The following SMC3 variants were observed in gnomAD, a reference collection of about 807,000 sequenced individuals.
SMC3 encodes structural maintenance of chromosomes protein 3.
A neutral mutation model predicts 171.8 loss-of-function variants in SMC3; 20 were observed. The ratio of observed to expected loss-of-function variants is 0.12; its 90% CI spans 0.08 to 0.17. The LOEUF (loss-of-function observed/expected upper bound fraction) is 0.17, where lower values mean the gene tolerates loss of function less well. SMC3 is among the 10% of genes least tolerant of loss of function. The probability of loss-of-function intolerance (pLI) is 1.00; values close to 1 mark genes in which losing one functional copy is unlikely to be tolerated. For synonymous variants in SMC3, 464 were observed against 451.1 expected (o/e 1.03, Z -0.36); for missense variants, 543 against 1,420.4 (o/e 0.38, Z 9.93).
rs997037033 is a variant in SMC3 at position 110,605,670 on chromosome 10, G to C, written c.*1368G>C. On this transcript the variant is annotated 3_prime_UTR_variant, in exon 29 of 29. Coordinates refer to ENST00000361804, the MANE Select transcript of SMC3 (RefSeq NM_005445.4). The stretch of plus-strand genomic sequence containing the variant: ...TTTGTAGCTTTGCTATAACATAACT[G>C]ATCTATAATAGAGAATTTGGTATAT... Among the ~76,000 whole-genome samples, 5 of 152,112 alleles carry C rather than the reference G, an allele frequency of 3.3e-5. No homozygotes were observed. The highest frequency in any genetic ancestry group is 5.9e-5 in the Non-Finnish European group (4 of 68,006).
At chr10:110,571,565 T>C (rs1860872836) in intron 2 of SMC3, among the ~76,000 whole-genome samples, 1 of 152,134 alleles carries the variant, frequency 6.6e-6, no homozygotes, top group South Asian at 2.1e-4. Flanking sequence ...AGTCAGGGAG[T>C]TATAGCCTCC....
intron 23 of SMC3, 39 bp from the exon 24 acceptor site, chr10:110,601,598 A>G (rs772546567): frequency 3.1e-6 from 5 of 1,595,706 alleles, no homozygotes; most frequent in Non-Finnish European, 4.3e-6. Context: ...CACTGGCTTT[A>G]TAGGTATTAT....
chr10:110,593,946 C>T (rs1321185225), intron 18 of SMC3, among the ~76,000 whole-genome samples: 2 of 152,242 alleles, frequency 1.3e-5, no homozygotes, highest in South Asian at 2.1e-4. Context: ...CAAGATCACA[C>T]CCCTGCACTC....
At chr10:110,599,042 TAA>T (rs538467688) in intron 20 of SMC3, among the ~76,000 whole-genome samples, 10 of 140,842 alleles carry the variant, frequency 7.1e-5, no homozygotes, top group Non-Finnish European at 3.1e-5. Context: ...ACAAAGAGCT[TAA>T]AAAAAAAAAA....
At chr10:110,572,124 A>G (rs981636356) in intron 2 of SMC3, among the ~76,000 whole-genome samples, 2 of 152,200 alleles carry the variant, frequency 1.3e-5, no homozygotes, top group African/African-American at 2.4e-5. Flanking sequence ...CCCTTTACCT[A>G]GATTCACCTG....
At position 110,583,347 on chromosome 10, in the gene SMC3, C is replaced by G. The variant is rs768144907; in HGVS notation, c.805-37C>G. ...GTGTCACAATTCTGCTATTGTACTTCTAATTGCCTTATTTTCTGTTTAATA... is the reference window on the plus strand; with the variant it reads ...GTGTCACAATTCTGCTATTGTACTTGTAATTGCCTTATTTTCTGTTTAATA... On this transcript the variant is annotated intron_variant, in intron 10 of 28. Transcript: ENST00000361804. 7.1e-6 allele frequency: 11 copies of G among 1,555,196 alleles called. No homozygotes were observed. The African/African-American group carries it at 9.5e-5, about 13-fold the overall frequency.
rs147760495 is a variant in SMC3 at position 110,605,585 on chromosome 10, T to G, written c.*1283T>G. Among the ~76,000 whole-genome samples, 2,010 of 152,316 alleles carry G rather than the reference T, an allele frequency of 0.013. 42 individuals are homozygous for G. The highest frequency in any genetic ancestry group is 0.045 in the African/African-American group (1,880 of 41,578). ...TTAAATTGAATTTAAAAATGTGAGT[T>G]TACTTTGGGTTTTCATTTTGACTGG... On this transcript the variant is annotated 3_prime_UTR_variant, in exon 29 of 29. Transcript: ENST00000361804.
In SMC3 at chr10:110,605,124, C is replaced by T. The variant is rs936208285; in HGVS notation, c.*822C>T. Among the ~76,000 whole-genome samples the T allele has an allele frequency of 6.6e-6, 1 of 152,140 alleles. No individual in the cohort carries two copies. The highest frequency in any genetic ancestry group is 2.4e-5 in the African/African-American group (1 of 41,426). ...CACAGAAGCGAAGTATTCTCATTAC[C>T]TCATATAATAGTACATATTATTAAC... On this transcript the variant is annotated 3_prime_UTR_variant, in exon 29 of 29. Coordinates refer to ENST00000361804, the MANE Select transcript of SMC3 (RefSeq NM_005445.4).
At chr10:110,598,423 A>G in intron 20 of SMC3, 133 bp downstream of exon 20, 1 of 877,424 alleles carries the variant, frequency 1.1e-6, no homozygotes, top group Non-Finnish European at 1.8e-6. Context: ...TTTTTTTTTG[A>G]AGACAGAGTC....
At chr10:110,587,787 A>G (rs1861146115) in intron 13 of SMC3, among the ~76,000 whole-genome samples, 1 of 152,140 alleles carries the variant, frequency 6.6e-6, no homozygotes, top group Non-Finnish European at 1.5e-5. Context: ...ACATTAATTT[A>G]GGAAAACTGA....
In SMC3 at chr10:110,590,501, T is replaced by G. The variant is rs200551010; in HGVS notation, c.1599T>G (p.His533Gln). Residue 533 changes from histidine to glutamine, a missense_variant, in exon 16 of 29, where the codon CAT becomes CAG. His to Gln is a conservative substitution (Grantham distance 24, BLOSUM62 0). Transcript: ENST00000361804. ...ACCAGCATGTTCAAAATGGCTATCA[T>G]GGTATTGTAATGAATAACTTTGAAT... is the stretch of plus-strand genomic sequence containing the variant. ...GINQHVQNGY[H>Q]GIVMNNFECE... 2.5e-6 allele frequency: 4 copies of G among 1,614,014 alleles called. No individual in the cohort carries two copies. The highest frequency in any genetic ancestry group is 2.2e-5 in the East Asian group (1 of 44,870).
chr10:110,583,294 C>T lies in SMC3; in HGVS notation c.805-90C>T, dbSNP rs3818904. The T allele has an allele frequency of 1.0e-3, 1,071 of 1,043,490 alleles. 12 individuals are homozygous for T. The East Asian group carries it at 0.024, about 24-fold the overall frequency. The allele number at this position is 1,043,490 out of a possible 1,614,324, so 64.6% of individuals were successfully genotyped here. A position where few individuals can be genotyped will look rare whatever the true frequency, so the allele number is the denominator to read the frequency against. ...TGAATATTGAAAGGACAGAGTATTA[C>T]TAAACATTAAGTGAAAGAGAATTAA... On this transcript the variant is annotated intron_variant, in intron 10 of 28. Transcript: ENST00000361804.
chr10:110,599,655 A>C lies in SMC3; in HGVS notation c.2270A>C (p.Gln757Pro). 1.9e-6 allele frequency: 3 copies of C among 1,613,676 alleles called. No individual in the cohort carries two copies. The highest frequency in any genetic ancestry group is 2.5e-6 in the Non-Finnish European group (3 of 1,179,624). The change falls in exon 21 of 29, where the codon CAA (glutamine) becomes CCA (proline). Residue 757 changes from glutamine (Q) to proline (P), a missense_variant and splice_region_variant. Coordinates refer to ENST00000361804, the MANE Select transcript of SMC3 (RefSeq NM_005445.4). ...QQSEKTFMPK[Q>P]RSLQSLEASL... is the part of the protein sequence containing the mutation. Reference sequence around the variant, plus strand: ...TAATAAATGGATAATGTCATATAGCAACGTAGCTTACAGAGTTTGGAGGCA... The same window carrying C: ...TAATAAATGGATAATGTCATATAGCCACGTAGCTTACAGAGTTTGGAGGCA...
rs925528353 is a variant in SMC3, at chr10:110,569,126, T to C, written c.91+113T>C. On this transcript the variant is annotated intron_variant, in intron 2 of 28. Coordinates refer to ENST00000361804, the MANE Select transcript of SMC3 (RefSeq NM_005445.4). Reference sequence around the variant, plus strand: ...GGAATTGTCTTTGAATATTAAGTTATATTTTTCTGCGTGAAATAACTTTTC... The same window carrying C: ...GGAATTGTCTTTGAATATTAAGTTACATTTTTCTGCGTGAAATAACTTTTC... 1.6e-4 allele frequency: 118 copies of C among 744,906 alleles called. 1 individual carries two copies. In the South Asian group the frequency reaches 1.8e-3, roughly 11 times the overall value. The allele number at this position is 744,906 out of a possible 1,614,324, so 46.1% of individuals were successfully genotyped here. A position where few individuals can be genotyped will look rare whatever the true frequency, so the allele number is the denominator to read the frequency against.
At chr10:110,599,220 C>T (rs922078453) in intron 20 of SMC3, among the ~76,000 whole-genome samples, 2 of 152,172 alleles carry the variant, frequency 1.3e-5, no homozygotes, top group South Asian at 2.1e-4. Context: ...GCCTCGGCCT[C>T]CAGAGTAGCT....
At chr10:110,594,994 A>T (rs1455561090) in intron 18 of SMC3, among the ~76,000 whole-genome samples, 2 of 145,658 alleles carry the variant, frequency 1.4e-5, no homozygotes, top group Admixed American at 6.8e-5. Flanking sequence ...TCTTCTCTTT[A>T]TTTTTTTTTT....
chr10:110,568,228 T>G (rs567499671), intron 1 of SMC3: 1 of 285,636 alleles, frequency 3.5e-6, no homozygotes, highest in Non-Finnish European at 6.6e-6. Context: ...ACACGGCCCA[T>G]GTGCCTGGGA....
chr10:110,568,692 A>G (rs1180829838), intron 1 of SMC3, among the ~76,000 whole-genome samples: 2 of 152,006 alleles, frequency 1.3e-5, no homozygotes, highest in Non-Finnish European at 2.9e-5. Context: ...GGTCCTTAAC[A>G]GGTTGACAGC....
intron 11 of SMC3, 105 bp downstream of exon 11, chr10:110,583,653 C>A: frequency 7.6e-7 from 1 of 1,312,822 alleles, no homozygotes; most frequent in Non-Finnish European, 1.1e-6. Context: ...TTTTTTTAAG[C>A]TTTGCTACGT....
Sources: gnomAD v4.1 joint callset for allele counts (sites outside exome capture counted in the v4.1 genomes callset) on GRCh38, gnomAD v4.1.1 for gene constraint, MANE v1.5 for transcripts, NCBI Gene and HGNC (gene_info 2026-07-23, HGNC 2026-07-21) for gene names.